TRDN: variants seen among roughly 807,000 people sequenced by gnomAD.
TRDN encodes the protein triadin, also known as triadin in skeletal muscle.
Under a neutral mutation model 149.7 loss-of-function variants are expected in TRDN, and 161 were observed. That is an observed-to-expected ratio of 1.08 (90% confidence interval 0.95 to 1.23). The LOEUF (loss-of-function observed/expected upper bound fraction) is 1.23. Among genes scored for constraint, TRDN ranks in the 50% most tolerant of loss-of-function variants. The probability of loss-of-function intolerance (pLI) is 0.00; values close to 1 mark genes in which losing one functional copy is unlikely to be tolerated. For missense variants in TRDN, 896 were observed against 823.5 expected, an observed-to-expected ratio of 1.09 and a Z score of -1.08; for synonymous variants, 294 against 250.5, an observed-to-expected ratio of 1.17 and a Z score of -1.64.
chr6:123,354,099 A>C (rs1780568291), intron 20 of TRDN, among the ~76,000 whole-genome samples: 1 of 151,806 alleles, frequency 6.6e-6, no homozygotes, highest in Non-Finnish European at 1.5e-5. Context: ...CTGATTTATT[A>C]CCAGAAAAGA....
At chr6:123,316,116 A>G (rs1424384709) in intron 24 of TRDN, among the ~76,000 whole-genome samples, 2 of 151,882 alleles carry the variant, frequency 1.3e-5, no homozygotes, top group Non-Finnish European at 2.9e-5. Context: ...CATGCTCTGT[A>G]TGGAGCCTCT....
At chr6:123,461,085 A>G (rs1292291138) in intron 10 of TRDN, among the ~76,000 whole-genome samples, 1 of 152,168 alleles carries the variant, frequency 6.6e-6, no homozygotes, top group African/African-American at 2.4e-5. Flanking sequence ...CTGGCAGTTT[A>G]TTACCAATCT....
intron 10 of TRDN, among the ~76,000 whole-genome samples, chr6:123,450,948 T>A (rs1441146474): frequency 1.3e-5 from 2 of 152,042 alleles, no homozygotes; most frequent in Non-Finnish European, 2.9e-5. Context: ...GCAAAAGGAA[T>A]CTTCAAAACC....
chr6:123,438,230 T>C, intron 11 of TRDN, 108 bp from the exon 12 acceptor site: 1 of 778,850 alleles, frequency 1.3e-6, no homozygotes, highest in East Asian at 2.9e-5. Flanking sequence ...TATAGAGAAA[T>C]CTTAAATCAG....
intron 4 of TRDN, among the ~76,000 whole-genome samples, chr6:123,537,322 T>A (rs1230358746): frequency 6.6e-6 from 1 of 152,190 alleles, no homozygotes; most frequent in African/African-American, 2.4e-5. Flanking sequence ...TTTATGGTAT[T>A]CTACATGCAG....
chr6:123,221,493 G>T lies in TRDN; in HGVS notation c.2044C>A (p.Gln682Lys). ...EGTEDVSPTK[Q>K]KSPISFFQCV... Reference sequence around the variant, plus strand: ...AATCTCATTATAAACTTACTTTTCTGCTTTGTGGGAGACACATCTTCAGTT... The same window carrying T: ...AATCTCATTATAAACTTACTTTTCTTCTTTGTGGGAGACACATCTTCAGTT... The change falls in exon 40 of 41, where the codon CAG becomes AAG. Residue 682 changes from glutamine to lysine, a missense_variant. Coordinates refer to ENST00000334268, the MANE Select transcript of TRDN (RefSeq NM_006073.4). 2 of 1,565,504 alleles carry T rather than the reference G, an allele frequency of 1.3e-6. No homozygotes were observed. Among genetic ancestry groups the T allele is most frequent in the Non-Finnish European group, 8.8e-7 (1 of 1,142,514 alleles).
At chr6:123,255,053 A>G (rs1776509430) in intron 37 of TRDN, 28 bp downstream of exon 37, 2 of 1,239,450 alleles carry the variant, frequency 1.6e-6, no homozygotes, top group South Asian at 1.4e-5. Flanking sequence ...TTTCATACAA[A>G]CATAGTAGTT....
intron 4 of TRDN, among the ~76,000 whole-genome samples, chr6:123,530,795 A>G (rs1780208179): frequency 6.6e-6 from 1 of 151,940 alleles, no homozygotes; most frequent in South Asian, 2.1e-4. Flanking sequence ...TATTTGGAAA[A>G]GCTTAAACAT....
At chr6:123,592,510 G>A (rs778973607) in intron 1 of TRDN, among the ~76,000 whole-genome samples, 1 of 152,080 alleles carries the variant, frequency 6.6e-6, no homozygotes, top group Non-Finnish European at 1.5e-5. Flanking sequence ...CTAGGCATTG[G>A]GACTGTCAGT....
intron 9 of TRDN, among the ~76,000 whole-genome samples, chr6:123,493,590 T>C (rs1161980605): frequency 1.3e-5 from 2 of 152,056 alleles, no homozygotes; most frequent in African/African-American, 4.8e-5. Context: ...AAAAACTGAA[T>C]CCCAGAGGGA....
intron 9 of TRDN, among the ~76,000 whole-genome samples, chr6:123,474,813 T>G (rs1274716766): frequency 6.6e-6 from 1 of 151,852 alleles, no homozygotes; most frequent in Non-Finnish European, 1.5e-5. Flanking sequence ...AACAACCTGC[T>G]CCTGAATGAC....
chr6:123,448,804 C>G (rs1265628754), intron 10 of TRDN, among the ~76,000 whole-genome samples: 3 of 152,104 alleles, frequency 2.0e-5, no homozygotes, highest in Non-Finnish European at 4.4e-5. Context: ...GCTAAGAACC[C>G]TCACAGAGTC....
At chr6:123,494,124 A>T (rs1163425935) in intron 9 of TRDN, among the ~76,000 whole-genome samples, 1 of 152,190 alleles carries the variant, frequency 6.6e-6, no homozygotes, top group Non-Finnish European at 1.5e-5. Flanking sequence ...ATAAATTAAG[A>T]ATTCAATTAG....
At chr6:123,565,020 C>T (rs1387575817) in intron 2 of TRDN, among the ~76,000 whole-genome samples, 1 of 152,188 alleles carries the variant, frequency 6.6e-6, no homozygotes. Context: ...CATCAACATC[C>T]ACTAATGCCT....
chr6:123,326,106 A>G (rs1159113489), intron 23 of TRDN, among the ~76,000 whole-genome samples: 1 of 152,082 alleles, frequency 6.6e-6, no homozygotes, highest in East Asian at 1.9e-4. Flanking sequence ...GGGTTCCTCA[A>G]TTTTGAGACT....
intron 6 of TRDN, among the ~76,000 whole-genome samples, chr6:123,515,884 G>A (rs1338570040): frequency 1.3e-5 from 2 of 152,080 alleles, no homozygotes; most frequent in Non-Finnish European, 2.9e-5. Context: ...GCTGGCTAAG[G>A]CAGTCTCAAA....
intron 21 of TRDN, among the ~76,000 whole-genome samples, chr6:123,340,450 T>C (rs1252056705): frequency 6.6e-6 from 1 of 152,088 alleles, no homozygotes; most frequent in African/African-American, 2.4e-5. Context: ...TCTGGCTTGG[T>C]GTCAACATTG....
At chr6:123,264,502 G>A (rs1776872209) in intron 33 of TRDN, among the ~76,000 whole-genome samples, 1 of 152,058 alleles carries the variant, frequency 6.6e-6, no homozygotes, top group South Asian at 2.1e-4. Context: ...TCTACTTCTG[G>A]TGAAGATGTT....
chr6:123,388,340 C>A (rs1781982655), intron 14 of TRDN, among the ~76,000 whole-genome samples, 182 bp downstream of exon 14: 1 of 152,002 alleles, frequency 6.6e-6, no homozygotes, highest in African/African-American at 2.4e-5. Flanking sequence ...AAATTACTTT[C>A]AAAAAGTAGC....
Sources: allele counts gnomAD v4.1 joint callset (sites outside exome capture counted in the v4.1 genomes callset), GRCh38; gene constraint gnomAD v4.1.1; transcripts MANE v1.5; gene names NCBI Gene and HGNC (gene_info 2026-07-23, HGNC 2026-07-21).